GABRB3: variants seen among roughly 807,000 people sequenced by gnomAD.
GABRB3 encodes gamma-aminobutyric acid receptor subunit beta-3.
GABRB3 carries 14 observed loss-of-function variants against 52.1 expected under a neutral mutation model. The observed-to-expected ratio is 0.27, with a 90% CI of 0.18 to 0.42. The LOEUF (loss-of-function observed/expected upper bound fraction) is 0.42, where lower values mean the gene tolerates loss of function less well. Among genes scored for constraint, GABRB3 ranks in the 10% least tolerant of loss-of-function variants. The pLI, the probability that GABRB3 is intolerant of heterozygous loss-of-function variation, is 1.00. For missense variants in GABRB3, 307 were observed against 609.1 expected (o/e 0.50, Z 5.22); for synonymous variants, 260 against 232.3 (o/e 1.12, Z -1.08).
chr15:26,761,565 A>G (rs946593535), intron 3 of GABRB3, among the ~76,000 whole-genome samples: 1 of 151,992 alleles, frequency 6.6e-6, no homozygotes, highest in Non-Finnish European at 1.5e-5. Context: ...CATTGTATAT[A>G]ATATAAATTA....
chr15:26,702,631 A>T (rs1346153), intron 3 of GABRB3, among the ~76,000 whole-genome samples: 25,272 of 152,224 alleles, frequency 0.17, 2,337 homozygotes, highest in Middle Eastern at 0.26. Context: ...ATACTATCAC[A>T]GTGGAAAACT....
At chr15:26,720,863 C>A (rs183199313) in intron 3 of GABRB3, among the ~76,000 whole-genome samples, 1 of 152,032 alleles carries the variant, frequency 6.6e-6, no homozygotes, top group Non-Finnish European at 1.5e-5. Context: ...GTGCATTGTG[C>A]GGATATTCCC....
Position 26,772,387 on chromosome 15 carries a change from A to C in GABRB3, c.240+15T>G. 6.2e-7 allele frequency: 1 copy of C among 1,604,002 alleles called. No individual in the cohort carries two copies. The highest frequency in any genetic ancestry group is 8.5e-7 in the Non-Finnish European group (1 of 1,175,038). ...CCGGGGGCTCAGGGACCGCCCTGGG[A>C]GGGCGGGCACTCACCATGTTGACTT... On this transcript the variant is annotated intron_variant, in intron 3 of 8. Transcript: ENST00000311550.
chr15:26,743,823 C>T (rs1890270192), intron 3 of GABRB3, among the ~76,000 whole-genome samples: 1 of 152,194 alleles, frequency 6.6e-6, no homozygotes, highest in Non-Finnish European at 1.5e-5. Context: ...TTAGATTGGT[C>T]ACCAGAGATG....
chr15:26,575,855 C>T (rs943495431), intron 6 of GABRB3, among the ~76,000 whole-genome samples: 2 of 152,100 alleles, frequency 1.3e-5, no homozygotes, highest in African/African-American at 4.8e-5. Flanking sequence ...ATATCACTGT[C>T]CAAATGTACC....
intron 4 of GABRB3, among the ~76,000 whole-genome samples, chr15:26,620,095 C>T (rs1892422630): frequency 6.6e-6 from 1 of 152,172 alleles, no homozygotes; most frequent in Admixed American, 6.5e-5. Flanking sequence ...ATGCACTTAT[C>T]AGAACCTGAA....
At chr15:26,565,342 G>A (rs577730082) in intron 7 of GABRB3, among the ~76,000 whole-genome samples, 1 of 152,122 alleles carries the variant, frequency 6.6e-6, no homozygotes, top group Non-Finnish European at 1.5e-5. Flanking sequence ...CTGAGAGCTG[G>A]ATCTGTTGGG....
intron 4 of GABRB3, among the ~76,000 whole-genome samples, chr15:26,610,179 T>C (rs188888078): frequency 6.6e-6 from 1 of 152,308 alleles, no homozygotes; most frequent in Non-Finnish European, 1.5e-5. Flanking sequence ...TGCTAATATA[T>C]TAGGTTGGTG....
At chr15:26,648,073 C>T (rs1350333263) in intron 3 of GABRB3, among the ~76,000 whole-genome samples, 5 of 152,112 alleles carry the variant, frequency 3.3e-5, no homozygotes, top group African/African-American at 7.2e-5. Flanking sequence ...GTTGTGTTAC[C>T]GTCATGACCA....
chr15:26,773,585 G>A (rs571186819), upstream of GABRB3: 6,470 of 1,415,878 alleles, frequency 4.6e-3, 18 homozygotes, highest in Non-Finnish European at 5.7e-3. Context: ...TCTGCCCGCC[G>A]GACTGCGGGC....
chr15:26,747,010 A>G (rs1364247281), intron 3 of GABRB3, among the ~76,000 whole-genome samples: 1 of 141,728 alleles, frequency 7.1e-6, no homozygotes, highest in Admixed American at 6.8e-5. Context: ...AAACAAACAA[A>G]CAAACAAATA....
intron 3 of GABRB3, among the ~76,000 whole-genome samples, chr15:26,645,486 T>A (rs1013107157): frequency 6.6e-6 from 1 of 151,944 alleles, no homozygotes; most frequent in African/African-American, 2.4e-5. Context: ...TTATGGACAG[T>A]TGTGTCCCCA....
intron 4 of GABRB3, among the ~76,000 whole-genome samples, chr15:26,600,022 C>T (rs1362617651): frequency 6.6e-6 from 1 of 151,754 alleles, no homozygotes; most frequent in Non-Finnish European, 1.5e-5. Context: ...AAGCAAAACA[C>T]TGACAAAGAA....
At chr15:26,763,071 G>C (rs1443978315) in intron 3 of GABRB3, among the ~76,000 whole-genome samples, 1 of 152,154 alleles carries the variant, frequency 6.6e-6, no homozygotes, top group Non-Finnish European at 1.5e-5. Context: ...ATACTGCCTT[G>C]GAAAGGCAAG....
intron 4 of GABRB3, among the ~76,000 whole-genome samples, chr15:26,620,795 G>A (rs1197704157): frequency 6.6e-6 from 1 of 152,140 alleles, no homozygotes; most frequent in Admixed American, 6.5e-5. Context: ...CCTGATTTGA[G>A]TGATTATATT....
intron 3 of GABRB3, among the ~76,000 whole-genome samples, chr15:26,724,613 T>C (rs1889723758): frequency 6.6e-6 from 1 of 152,236 alleles, no homozygotes; most frequent in South Asian, 2.1e-4. Flanking sequence ...TGAGGGGTAA[T>C]GCATCCTCTG....
intron 3 of GABRB3, among the ~76,000 whole-genome samples, chr15:26,769,858 G>A (rs190626121): frequency 6.6e-6 from 1 of 152,158 alleles, no homozygotes; most frequent in Non-Finnish European, 1.5e-5. Context: ...TGTCATATCT[G>A]CTCTAAGAGT....
chr15:26,695,174 AAATAG>A (rs1888699119), intron 3 of GABRB3, among the ~76,000 whole-genome samples: 1 of 152,220 alleles, frequency 6.6e-6, no homozygotes, highest in Admixed American at 6.5e-5. Context: ...ATGACAGACT[AAATAG>A]AATAAATGAC....
At chr15:26,594,581 A>G (rs1891327978) in intron 4 of GABRB3, among the ~76,000 whole-genome samples, 1 of 152,132 alleles carries the variant, frequency 6.6e-6, no homozygotes, top group African/African-American at 2.4e-5. Context: ...CTGTAGCTTC[A>G]AACACCTGGG....
Sources: gnomAD v4.1 joint callset for allele counts (sites outside exome capture counted in the v4.1 genomes callset) on GRCh38, gnomAD v4.1.1 for gene constraint, MANE v1.5 for transcripts, NCBI Gene and HGNC (gene_info 2026-07-23, HGNC 2026-07-21) for gene names.